Variants in KHDRBS3 observed in about 807,000 individuals in gnomAD.
The protein encoded by KHDRBS3 is KH domain-containing, RNA-binding, signal transduction-associated protein 3.
In KHDRBS3, 23 loss-of-function variants were observed where a neutral mutation model predicts 45.6. The ratio of observed to expected loss-of-function variants is 0.50; its 90% CI spans 0.36 to 0.72. The LOEUF (loss-of-function observed/expected upper bound fraction) is 0.72. Ranked by LOEUF, KHDRBS3 falls within the 30% of genes least tolerant of loss-of-function variation. The probability of loss-of-function intolerance (pLI) is 0.00; values close to 1 mark genes in which losing one functional copy is unlikely to be tolerated. For missense variants in KHDRBS3, 352 were observed against 424.8 expected, an observed-to-expected ratio of 0.83 and a Z score of 1.51; for synonymous variants, 162 against 156.5, an observed-to-expected ratio of 1.04 and a Z score of -0.26.
chr8:135,559,150 C>G (rs1827043231), intron 5 of KHDRBS3, among the ~76,000 whole-genome samples: 1 of 151,618 alleles, frequency 6.6e-6, no homozygotes. Context: ...GGTAATGTAA[C>G]TAGATAAGGT....
At chr8:135,550,153 T>C (rs1164816232) in intron 4 of KHDRBS3, among the ~76,000 whole-genome samples, 2 of 152,142 alleles carry the variant, frequency 1.3e-5, no homozygotes, top group Non-Finnish European at 2.9e-5. Flanking sequence ...TTGGTGATCA[T>C]GCAGTGTGGA....
At chr8:135,599,441 T>C (rs1038677521) in intron 6 of KHDRBS3, among the ~76,000 whole-genome samples, 1 of 152,178 alleles carries the variant, frequency 6.6e-6, no homozygotes, top group African/African-American at 2.4e-5. Context: ...TGACAGAAAA[T>C]GATATAGGTG....
At chr8:135,552,580 G>A (rs1184195428) in intron 4 of KHDRBS3, among the ~76,000 whole-genome samples, 4 of 151,918 alleles carry the variant, frequency 2.6e-5, no homozygotes, top group South Asian at 2.1e-4. Flanking sequence ...CTGTATTTTC[G>A]ATAACATAGC....
intron 1 of KHDRBS3, among the ~76,000 whole-genome samples, chr8:135,459,160 A>G (rs1185489151): frequency 6.6e-6 from 1 of 152,226 alleles, no homozygotes; most frequent in Non-Finnish European, 1.5e-5. Flanking sequence ...AAGATGAGGC[A>G]GACATATTCT....
rs558762205 is a variant in KHDRBS3, at chr8:135,609,078, C to T, written c.890+2041C>T. ...CACTGCAGGCTTTATAAACACTAAA[C>T]GCTTAGGCTACACTCAATTTATTAA... On this transcript the variant is annotated intron_variant, in intron 7 of 8. Transcript: ENST00000355849. 2.0e-4 allele frequency among the ~76,000 whole-genome samples: 31 copies of T among 152,236 alleles called. No homozygotes were observed. The South Asian group carries it at 5.6e-3, about 27-fold the overall frequency.
At chr8:135,656,417 A>G (rs528968477) in exon 5 of KHDRBS3, 6 of 152,334 alleles carry the variant, frequency 3.9e-5, no homozygotes, top group Non-Finnish European at 8.8e-5. Flanking sequence ...AAAAAACGGA[A>G]AGAAAATCTA....
chr8:135,654,732 G>C (rs759529049), intron 4 of KHDRBS3, among the ~76,000 whole-genome samples: 2 of 152,184 alleles, frequency 1.3e-5, no homozygotes, highest in Non-Finnish European at 1.5e-5. Flanking sequence ...GGGCTGGCCC[G>C]TGGTGGGGCA....
intron 4 of KHDRBS3, among the ~76,000 whole-genome samples, chr8:135,553,009 G>T (rs1586709952): frequency 6.6e-6 from 1 of 152,152 alleles, no homozygotes; most frequent in Non-Finnish European, 1.5e-5. Flanking sequence ...CTTCAGGAAA[G>T]GTTGTATGGA....
At chr8:135,545,054 C>T (rs950020233) in intron 3 of KHDRBS3, among the ~76,000 whole-genome samples, 7 of 151,926 alleles carry the variant, frequency 4.6e-5, no homozygotes, top group East Asian at 1.9e-4. Flanking sequence ...GTAAAATGTC[C>T]GAGATCCTTG....
chr8:135,485,194 C>CTTTG (rs1313478802), intron 1 of KHDRBS3, among the ~76,000 whole-genome samples: 2 of 50,244 alleles, frequency 4.0e-5, no homozygotes, highest in African/African-American at 2.8e-4. Flanking sequence ...GTAAACAGCA[C>CTTTG]TTTGTTTATT....
chr8:135,604,776 A>G (rs183291143), intron 6 of KHDRBS3, among the ~76,000 whole-genome samples: 12 of 152,044 alleles, frequency 7.9e-5, no homozygotes, highest in Admixed American at 5.2e-4. Flanking sequence ...TTACAAATAA[A>G]AAAAAAGCTT....
intron 4 of KHDRBS3, among the ~76,000 whole-genome samples, chr8:135,554,774 T>G (rs1479098189): frequency 6.6e-6 from 1 of 152,226 alleles, no homozygotes; most frequent in Non-Finnish European, 1.5e-5. Context: ...AAGTTTCAAG[T>G]CATTTTTTGC....
At chr8:135,510,025 G>T (rs1160679523) in intron 1 of KHDRBS3, among the ~76,000 whole-genome samples, 5 of 147,034 alleles carry the variant, frequency 3.4e-5, no homozygotes, top group Non-Finnish European at 7.4e-5. Context: ...CTCTGTGCAG[G>T]CTGGAGCGCA....
intron 4 of KHDRBS3, among the ~76,000 whole-genome samples, chr8:135,556,636 C>G (rs992784415): frequency 6.6e-6 from 1 of 152,170 alleles, no homozygotes. Flanking sequence ...GTTATTACCC[C>G]TTTAATTCTC....
At chr8:135,516,856 A>G (rs1012984622) in intron 1 of KHDRBS3, among the ~76,000 whole-genome samples, 2 of 152,176 alleles carry the variant, frequency 1.3e-5, no homozygotes, top group Non-Finnish European at 2.9e-5. Flanking sequence ...GCTAGAACAA[A>G]GGAAAAATAA....
At chr8:135,589,578 A>G (rs1262801664) in intron 6 of KHDRBS3, among the ~76,000 whole-genome samples, 1 of 152,160 alleles carries the variant, frequency 6.6e-6, no homozygotes, top group Non-Finnish European at 1.5e-5. Flanking sequence ...TCTGTTTACT[A>G]TTTATAGCTT....
chr8:135,589,475 A>G (rs958171997), intron 6 of KHDRBS3, among the ~76,000 whole-genome samples: 6 of 152,238 alleles, frequency 3.9e-5, no homozygotes, highest in Middle Eastern at 3.4e-3. Context: ...GTCTATCCCA[A>G]TTGCCGTCCC....
chr8:135,599,772 A>G (rs1208304512), intron 6 of KHDRBS3, among the ~76,000 whole-genome samples: 1 of 152,220 alleles, frequency 6.6e-6, no homozygotes, highest in African/African-American at 2.4e-5. Context: ...GGAGAGAGGG[A>G]TAATTCAGCC....
chr8:135,462,107 A>G (rs1776268897), intron 1 of KHDRBS3, among the ~76,000 whole-genome samples: 1 of 152,174 alleles, frequency 6.6e-6, no homozygotes, highest in South Asian at 2.1e-4. Flanking sequence ...AGTAGAGAGT[A>G]AGAATGAGAA....
Sources: gnomAD v4.1 joint callset for allele counts (sites outside exome capture counted in the v4.1 genomes callset) on GRCh38, gnomAD v4.1.1 for gene constraint, MANE v1.5 for transcripts, NCBI Gene and HGNC (gene_info 2026-07-23, HGNC 2026-07-21) for gene names.